The following SLC17A4 variants were observed in gnomAD, a reference collection of about 807,000 sequenced individuals.
SLC17A4 encodes the protein solute carrier family 17 member 4.
A neutral mutation model predicts 52.5 loss-of-function variants in SLC17A4; 33 were observed. The ratio of observed to expected loss-of-function variants is 0.63; its 90% CI spans 0.48 to 0.84. The LOEUF (loss-of-function observed/expected upper bound fraction) is 0.84, where lower values mean the gene tolerates loss of function less well. Ranked by LOEUF, SLC17A4 falls within the 40% of genes least tolerant of loss-of-function variation. The pLI is 0.00. For missense variants in SLC17A4, 585 were observed against 597.1 expected, an observed-to-expected ratio of 0.98 and a Z score of 0.21; for synonymous variants, 225 against 216.2, an observed-to-expected ratio of 1.04 and a Z score of -0.36.
intron 2 of SLC17A4, among the ~76,000 whole-genome samples, chr6:25,764,257 T>A (rs1761811652): frequency 6.6e-6 from 1 of 152,182 alleles, no homozygotes; most frequent in Non-Finnish European, 1.5e-5. Flanking sequence ...TCCAGATATT[T>A]GTCCCTCTGT....
chr6:25,773,880 T>C (rs1454654432), intron 8 of SLC17A4, among the ~76,000 whole-genome samples: 3 of 152,190 alleles, frequency 2.0e-5, no homozygotes, highest in African/African-American at 7.2e-5. Flanking sequence ...ATGATACATA[T>C]GGTTCTAGTT....
chr6:25,761,163 C>T (rs1387015300), intron 1 of SLC17A4, among the ~76,000 whole-genome samples: 1 of 152,122 alleles, frequency 6.6e-6, no homozygotes, highest in African/African-American at 2.4e-5. Context: ...TCTCCATAAC[C>T]TAGATATGAA....
chr6:25,763,663 C>A (rs1044368893), intron 2 of SLC17A4, among the ~76,000 whole-genome samples: 3 of 152,190 alleles, frequency 2.0e-5, no homozygotes, highest in Non-Finnish European at 4.4e-5. Context: ...TGCCCCCTCC[C>A]CCATTATCTG....
Position 25,776,644 on chromosome 6 carries a change from T to A in SLC17A4, c.1037T>A (p.Ile346Asn). 1 of 1,613,792 alleles carries A rather than the reference T, an allele frequency of 6.2e-7. No individual in the cohort carries two copies. The part of the protein sequence containing the change: ...LPFVVGCICI[I>N]LGGLLADFLL... Reference sequence around the variant, plus strand: ...TTTGTTGTTGGATGTATCTGCATTATCCTTGGAGGTCTACTGGCAGACTTT... The same window carrying A: ...TTTGTTGTTGGATGTATCTGCATTAACCTTGGAGGTCTACTGGCAGACTTT... The change falls in exon 9 of 12, where the codon ATC becomes AAC. Residue 346 changes from isoleucine (I) to asparagine (N), a missense_variant. Physicochemically the swap from Ile to Asn is moderately radical, Grantham distance 149 (BLOSUM62 -3). Transcript: ENST00000377905.
intron 11 of SLC17A4, among the ~76,000 whole-genome samples, 198 bp from the exon 12 acceptor site, chr6:25,778,856 C>G (rs754288861): frequency 6.6e-6 from 1 of 152,104 alleles, no homozygotes; most frequent in African/African-American, 2.4e-5. Context: ...GGAGGAGGAG[C>G]GTTCCAGCCA....
intron 8 of SLC17A4, among the ~76,000 whole-genome samples, chr6:25,775,427 T>C (rs1762827264): frequency 6.6e-6 from 1 of 152,108 alleles, no homozygotes; most frequent in Non-Finnish European, 1.5e-5. Context: ...TCTTTCTATG[T>C]CTTTTTTCTT....
intron 2 of SLC17A4, among the ~76,000 whole-genome samples, chr6:25,765,444 G>T (rs1007768904): frequency 1.3e-5 from 2 of 152,208 alleles, no homozygotes; most frequent in African/African-American, 4.8e-5. Context: ...GTAGCAGCTG[G>T]ATTTAAACCA....
Position 25,776,870 on chromosome 6 carries a change from C to A in SLC17A4, c.1179C>A (p.Ser393Arg), listed in dbSNP as rs1291234511. The change falls in exon 10 of 12, where the codon AGC becomes AGA. Residue 393 changes from serine to arginine, a missense_variant. Transcript: ENST00000377905. ...VSLPWVRSSHSMTMTFLVLSS... is the reference protein window; with the variant it reads ...VSLPWVRSSHRMTMTFLVLSS... The stretch of plus-strand genomic sequence containing the variant: ...TGCCCTGGGTCAGATCCAGCCACAG[C>A]ATGACCATGACCTTCTTGGTGCTGT... 1 of 1,613,986 alleles carries A rather than the reference C, an allele frequency of 6.2e-7. No individual in the cohort carries two copies. Among genetic ancestry groups the A allele is most frequent in the Admixed American group, 1.7e-5 (1 of 59,994 alleles).
At chr6:25,778,839 G>A (rs1041340194) in intron 11 of SLC17A4, among the ~76,000 whole-genome samples, 1 of 152,166 alleles carries the variant, frequency 6.6e-6, no homozygotes, top group African/African-American at 2.4e-5. Flanking sequence ...GAGACAAATA[G>A]GTATCTGGAG....
intron 1 of SLC17A4, 108 bp from the exon 2 acceptor site, chr6:25,761,819 C>A: frequency 1.6e-6 from 1 of 624,724 alleles, no homozygotes; most frequent in Non-Finnish European, 2.7e-6. Flanking sequence ...AAACCCTAAT[C>A]TACCACTTTT....
chr6:25,756,005 A>G (rs1734671916), intron 1 of SLC17A4, among the ~76,000 whole-genome samples: 2 of 152,168 alleles, frequency 1.3e-5, no homozygotes, highest in East Asian at 1.9e-4. Flanking sequence ...TTTCACCACA[A>G]CTAGCCTAGC....
At chr6:25,758,528 T>A (rs530104769) in intron 1 of SLC17A4, among the ~76,000 whole-genome samples, 16 of 152,350 alleles carry the variant, frequency 1.1e-4, no homozygotes, top group African/African-American at 3.8e-4. Flanking sequence ...GAGGGTTTTA[T>A]ATTTCCAGGA....
intron 6 of SLC17A4, among the ~76,000 whole-genome samples, chr6:25,772,196 C>T (rs1392659659): frequency 1.3e-5 from 2 of 152,056 alleles, no homozygotes; most frequent in Non-Finnish European, 2.9e-5. Context: ...ATTCAAACAA[C>T]AAGAAAATCT....
At chr6:25,761,856 T>A in intron 1 of SLC17A4, 71 bp from the exon 2 acceptor site, 1 of 860,668 alleles carries the variant, frequency 1.2e-6, no homozygotes, top group Non-Finnish European at 1.8e-6. Context: ...TGCTCCTAGT[T>A]CTTAGAAAGA....
chr6:25,760,559 C>T (rs914646249), intron 1 of SLC17A4, among the ~76,000 whole-genome samples: 13 of 152,194 alleles, frequency 8.5e-5, no homozygotes, highest in South Asian at 6.2e-4. Context: ...TAAAGTATTG[C>T]CTTTTCTCAG....
At chr6:25,770,009 C>G (rs1762346611) in intron 3 of SLC17A4, 58 bp from the exon 4 acceptor site, 1 of 1,522,718 alleles carries the variant, frequency 6.6e-7, no homozygotes. Context: ...CAAGTCCTCA[C>G]AATGAAAACT....
chr6:25,775,146 ATGG>A (rs760679161), intron 8 of SLC17A4, among the ~76,000 whole-genome samples: 14 of 152,092 alleles, frequency 9.2e-5, no homozygotes, highest in Admixed American at 1.3e-4. Context: ...CCTGGCCAAC[ATGG>A]TGAACCCCCT....
rs1238974148 is a variant in SLC17A4, at chr6:25,773,734, A to G, written c.987+60A>G. On this transcript the variant is annotated intron_variant, in intron 8 of 11. Coordinates refer to ENST00000377905, the MANE Select transcript of SLC17A4 (RefSeq NM_005495.3). ...TTAAATGCTTAAATAATGAGAGCTC[A>G]TATATAATCCTCTGTCTGTCCCATA... is the stretch of plus-strand genomic sequence containing the variant. 15 of 1,554,710 alleles carry G rather than the reference A, an allele frequency of 9.6e-6. No homozygotes were observed. In the African/African-American group the frequency reaches 1.5e-4, roughly 16 times the overall value.
chr6:25,770,476 C>T lies in SLC17A4; in HGVS notation c.619+5C>T. The T allele has an allele frequency of 6.2e-7, 1 of 1,613,812 alleles. No individual in the cohort carries two copies. Among genetic ancestry groups the T allele is most frequent in the South Asian group, 1.1e-5 (1 of 91,074 alleles). ...TCACCACCATTGCTGGATCAGGTAA[C>T]TGGTACCCTAAACCTCACTTTACAT... On this transcript the variant is annotated splice_donor_5th_base_variant and intron_variant, in intron 5 of 11. Coordinates refer to ENST00000377905, the MANE Select transcript of SLC17A4 (RefSeq NM_005495.3).
Sources: allele counts gnomAD v4.1 joint callset (sites outside exome capture counted in the v4.1 genomes callset), GRCh38; gene constraint gnomAD v4.1.1; transcripts MANE v1.5; gene names NCBI Gene and HGNC (gene_info 2026-07-23, HGNC 2026-07-21).